Variants in SNX24 observed in about 807,000 individuals in gnomAD.
SNX24 encodes sorting nexin-24.
In SNX24, 22 loss-of-function variants were observed where a neutral mutation model predicts 28.7. The ratio of observed to expected loss-of-function variants is 0.77; its 90% CI spans 0.55 to 1.10. The LOEUF (loss-of-function observed/expected upper bound fraction) is 1.10. Among genes scored for constraint, SNX24 ranks in the 50% least tolerant of loss-of-function variants. The probability of loss-of-function intolerance (pLI) is 0.00; values close to 1 mark genes in which losing one functional copy is unlikely to be tolerated. For synonymous variants in SNX24, 69 were observed against 71.5 expected (o/e 0.96, Z 0.18); for missense variants, 221 against 201.1 (o/e 1.10, Z -0.60).
intron 5 of SNX24, among the ~76,000 whole-genome samples, chr5:123,017,796 G>C (rs991019504): frequency 1.3e-5 from 2 of 152,046 alleles, no homozygotes; most frequent in Non-Finnish European, 2.9e-5. Context: ...CATATGAGAC[G>C]TGCCTTTAAC....
At chr5:123,022,411 C>T (rs1762774124) in intron 5 of SNX24, 1 of 152,060 alleles carries the variant, frequency 6.6e-6, no homozygotes, top group Non-Finnish European at 1.5e-5. Context: ...AGATCAAGCA[C>T]TCTCTATTAT....
At chr5:122,989,601 T>A (rs1182353647) in intron 3 of SNX24, among the ~76,000 whole-genome samples, 1 of 152,198 alleles carries the variant, frequency 6.6e-6, no homozygotes, top group Non-Finnish European at 1.5e-5. Flanking sequence ...TAGTTTTTGA[T>A]ATTGCTCTTT....
At chr5:122,921,064 A>AAC (rs943650355) in intron 1 of SNX24, among the ~76,000 whole-genome samples, 1 of 151,488 alleles carries the variant, frequency 6.6e-6, no homozygotes, top group Non-Finnish European at 1.5e-5. Flanking sequence ...TTTGGTAAAG[A>AAC]ATATATATAT....
At chr5:122,890,247 T>G (rs1307926608) in intron 1 of SNX24, among the ~76,000 whole-genome samples, 1 of 152,174 alleles carries the variant, frequency 6.6e-6, no homozygotes, top group Admixed American at 6.5e-5. Flanking sequence ...TGATGTTTTC[T>G]CTGTTGTCTA....
chr5:123,022,323 A>C (rs1311631722), intron 5 of SNX24: 1 of 152,190 alleles, frequency 6.6e-6, no homozygotes, highest in Non-Finnish European at 1.5e-5. Context: ...ACTCGGTGAG[A>C]TGGATCCTCA....
chr5:123,007,656 T>C (rs755984851), intron 6 of SNX24, 26 bp from the exon 7 acceptor site: 1 of 1,564,712 alleles, frequency 6.4e-7, no homozygotes, highest in Non-Finnish European at 8.6e-7. Flanking sequence ...TTCTTTTTTT[T>C]TTCTTTTTTT....
intron 5 of SNX24, 65 bp from the exon 6 acceptor site, chr5:123,001,875 G>A (rs2150176616): frequency 2.2e-6 from 3 of 1,369,500 alleles, no homozygotes; most frequent in East Asian, 2.3e-5. Context: ...CTCAAAGCTA[G>A]TTTGTAGTGT....
At position 122,906,708 on chromosome 5, in the gene SNX24, A is replaced by C. The variant is rs140549340; in HGVS notation, c.61-30026A>C. Among the ~76,000 whole-genome samples the C allele has an allele frequency of 7.8e-4, 119 of 152,290 alleles. 1 individual carries two copies. Among genetic ancestry groups the C allele is most frequent in the African/African-American group, 2.6e-3 (109 of 41,550 alleles). ...TGTTTAGTAGAGATGGGGTTTCACC[A>C]TGTTGGCCAGGCTGGTCTTGAACCC... On this transcript the variant is annotated intron_variant, in intron 1 of 6. Coordinates refer to ENST00000261369, the MANE Select transcript of SNX24 (RefSeq NM_014035.4).
Position 123,008,494 on chromosome 5 carries a change from A to G in SNX24, c.*745A>G, listed in dbSNP as rs1185074554. 1 of 164,544 alleles carries G rather than the reference A, an allele frequency of 6.1e-6. No homozygotes were observed. Among genetic ancestry groups the G allele is most frequent in the Non-Finnish European group, 1.3e-5 (1 of 79,540 alleles). 10.2% of individuals were successfully genotyped at this position (164,544 alleles called of 1,614,324 possible). ...GCTTTTCCTCCTATGTTGGAAAAAA[A>G]GACTGTTTCTTTGTTTGAAGACCAA... On this transcript the variant is annotated 3_prime_UTR_variant, in exon 7 of 7. Transcript: ENST00000261369.
rs115524714 is a variant in SNX24, at chr5:122,971,463, C to G, written c.249+25304C>G. ...CAGTATTAACCATCACAAGCCCACC[C>G]CTCGTCAACTTGAACCCATACACAT... On this transcript the variant is annotated intron_variant, in intron 3 of 6. Transcript: ENST00000261369. 8.3e-3 allele frequency among the ~76,000 whole-genome samples: 1,259 copies of G among 152,236 alleles called. 18 individuals carry two copies. The highest frequency in any genetic ancestry group is 0.029 in the African/African-American group (1,193 of 41,512).
At chr5:122,961,712 A>G (rs759263060) in intron 3 of SNX24, among the ~76,000 whole-genome samples, 7 of 152,188 alleles carry the variant, frequency 4.6e-5, no homozygotes, top group Non-Finnish European at 1.0e-4. Flanking sequence ...ACCACCATCC[A>G]TCTCTTTTTG....
At chr5:122,880,524 C>T (rs894699671) in intron 1 of SNX24, among the ~76,000 whole-genome samples, 2 of 152,180 alleles carry the variant, frequency 1.3e-5, no homozygotes, top group African/African-American at 4.8e-5. Context: ...TGCCTGCCTG[C>T]TTATGTCCAG....
intron 3 of SNX24, among the ~76,000 whole-genome samples, chr5:122,947,667 C>A (rs1026922425): frequency 6.6e-6 from 1 of 152,160 alleles, no homozygotes; most frequent in South Asian, 2.1e-4. Context: ...TAGCTTCAGG[C>A]AACACTGCAG....
At chr5:122,945,956 C>T (rs1038078) in intron 2 of SNX24, 99 bp from the exon 3 acceptor site, 72,070 of 605,324 alleles carry the variant, frequency 0.12, 6,022 homozygotes, top group East Asian at 0.35. Flanking sequence ...CAGTAGTTCA[C>T]TTTCTTTTAT....
chr5:122,931,170 C>G (rs1758937901), intron 1 of SNX24, among the ~76,000 whole-genome samples: 1 of 151,894 alleles, frequency 6.6e-6, no homozygotes, highest in South Asian at 2.1e-4. Flanking sequence ...TCCCCCCTAC[C>G]CAAAATAGTA....
At chr5:123,012,448 A>T (rs1762603622), downstream of SNX24, among the ~76,000 whole-genome samples, 2 of 152,218 alleles carry the variant, frequency 1.3e-5, no homozygotes, top group Admixed American at 1.3e-4. Flanking sequence ...TGAAGTATCT[A>T]GCGTAGTCAA....
At chr5:122,863,966 C>T (rs1482001216) in intron 1 of SNX24, among the ~76,000 whole-genome samples, 1 of 152,162 alleles carries the variant, frequency 6.6e-6, no homozygotes, top group East Asian at 1.9e-4. Context: ...AGAGGAGCGA[C>T]ATGATTCAGT....
chr5:123,004,224 C>A (rs1397129643), intron 6 of SNX24, among the ~76,000 whole-genome samples: 1 of 152,170 alleles, frequency 6.6e-6, no homozygotes, highest in East Asian at 1.9e-4. Context: ...TAGCTTTTAA[C>A]ATTAGAAATC....
At chr5:122,892,591 C>G in intron 1 of SNX24, among the ~76,000 whole-genome samples, 1 of 151,694 alleles carries the variant, frequency 6.6e-6, no homozygotes, top group Non-Finnish European at 1.5e-5. Flanking sequence ...AGGCGCCCAC[C>G]ACCATGCCCC....
Sources: allele counts gnomAD v4.1 joint callset (sites outside exome capture counted in the v4.1 genomes callset), GRCh38; gene constraint gnomAD v4.1.1; transcripts MANE v1.5; gene names NCBI Gene and HGNC (gene_info 2026-07-23, HGNC 2026-07-21).